The following HYAL4 variants were observed in gnomAD, a reference collection of about 807,000 sequenced individuals.
The protein encoded by HYAL4 is hyaluronidase-4.
Under a neutral mutation model 35.2 loss-of-function variants are expected in HYAL4, and 37 were observed. The ratio of observed to expected loss-of-function variants is 1.05; its 90% CI spans 0.81 to 1.38. The LOEUF (loss-of-function observed/expected upper bound fraction) is 1.38. HYAL4 is among the 40% of genes most tolerant of loss of function. The probability of loss-of-function intolerance (pLI) is 0.00; values close to 1 mark genes in which losing one functional copy is unlikely to be tolerated. For missense variants in HYAL4, 572 were observed against 572.4 expected (o/e 1.00, Z 0.01); for synonymous variants, 198 against 203.2 (o/e 0.97, Z 0.22).
chr7:123,847,684 A>T lies in HYAL4; in HGVS notation c.-121-405A>T, dbSNP rs148331614. Among the ~76,000 whole-genome samples the T allele has an allele frequency of 5.3e-3, 814 of 152,286 alleles. 9 individuals carry two copies. The highest frequency in any genetic ancestry group is 0.019 in the African/African-American group (782 of 41,570). ...TCCCAGCTACTTGGGAGGCTGAGAC[A>T]GGAGAATCACTTGAACCTGGCAGGT... is the stretch of plus-strand genomic sequence containing the variant. On this transcript the variant is annotated intron_variant, in intron 1 of 4. Transcript: ENST00000223026.
chr7:123,807,281 A>T, the HYAL4 span, among the ~76,000 whole-genome samples: 1 of 152,086 alleles, frequency 6.6e-6, no homozygotes. Flanking sequence ...TTTTCTTTTC[A>T]TAAAAGCTAC....
the HYAL4 span, among the ~76,000 whole-genome samples, chr7:123,794,968 G>T: frequency 6.6e-6 from 1 of 152,220 alleles, no homozygotes; most frequent in South Asian, 2.1e-4. Context: ...AGGCACCCAA[G>T]AGTGGAGCTG....
At chr7:123,856,390 T>C (rs1312154900) in intron 2 of HYAL4, among the ~76,000 whole-genome samples, 1 of 152,208 alleles carries the variant, frequency 6.6e-6, no homozygotes, top group Non-Finnish European at 1.5e-5. Context: ...ATGGGTGTCC[T>C]TTTTGTTGAT....
the HYAL4 span, among the ~76,000 whole-genome samples, chr7:123,816,527 G>C: frequency 5.9e-5 from 9 of 152,162 alleles, no homozygotes; most frequent in Non-Finnish European, 1.2e-4. Context: ...AGTTCACCTT[G>C]AGAGAAAATG....
chr7:123,842,805 G>T (rs1806095540), upstream of HYAL4, among the ~76,000 whole-genome samples: 3 of 151,958 alleles, frequency 2.0e-5, no homozygotes, highest in South Asian at 6.2e-4. Context: ...TTTTTGCAGA[G>T]ACTAGGATTG....
chr7:123,776,002 C>T, the HYAL4 span, among the ~76,000 whole-genome samples: 3 of 152,208 alleles, frequency 2.0e-5, no homozygotes, highest in Non-Finnish European at 4.4e-5. Context: ...TTTTCAGGCA[C>T]ACCCAACACT....
At chr7:123,819,354 A>C in the HYAL4 span, 1 of 152,626 alleles carries the variant, frequency 6.6e-6, no homozygotes, top group East Asian at 1.9e-4. Flanking sequence ...GACTTAGTGC[A>C]TGCAATTGGC....
At chr7:123,780,449 G>A in the HYAL4 span, among the ~76,000 whole-genome samples, 8 of 152,262 alleles carry the variant, frequency 5.3e-5, no homozygotes, top group African/African-American at 1.7e-4. Flanking sequence ...CTGACACATG[G>A]CTGTCACATA....
chr7:123,832,918 C>G (rs1015377095), intron 1 of HYAL4, among the ~76,000 whole-genome samples: 1 of 152,104 alleles, frequency 6.6e-6, no homozygotes, highest in Non-Finnish European at 1.5e-5. Context: ...CAGGTTGTTG[C>G]GAATGCCATT....
At chr7:123,832,536 G>A (rs1433018194) in intron 1 of HYAL4, among the ~76,000 whole-genome samples, 1 of 108,564 alleles carries the variant, frequency 9.2e-6, no homozygotes, top group African/African-American at 3.8e-5. Flanking sequence ...GTCTCGCTCT[G>A]TCGCTCAGGC....
chr7:123,782,502 T>C, the HYAL4 span, among the ~76,000 whole-genome samples: 10 of 151,836 alleles, frequency 6.6e-5, no homozygotes, highest in Non-Finnish European at 1.2e-4. Context: ...ATTGATTTAG[T>C]TTTTTTTCAA....
intron 1 of HYAL4, among the ~76,000 whole-genome samples, chr7:123,845,989 C>T (rs778528132): frequency 4.9e-4 from 75 of 152,182 alleles, no homozygotes; most frequent in Non-Finnish European, 8.7e-4. Context: ...TGCACAGAGT[C>T]CTGTGATGTA....
intron 2 of HYAL4, among the ~76,000 whole-genome samples, chr7:123,854,254 T>C (rs181294061): frequency 1.1e-3 from 165 of 152,264 alleles, no homozygotes; most frequent in African/African-American, 3.7e-3. Context: ...TTATTTCTTG[T>C]CTTCTTCTAG....
the HYAL4 span, among the ~76,000 whole-genome samples, chr7:123,792,115 C>CTT: frequency 6.6e-6 from 1 of 151,960 alleles, no homozygotes; most frequent in African/African-American, 2.4e-5. Context: ...GCATAGAGCC[C>CTT]TGACCTCATT....
chr7:123,819,728 C>G, the HYAL4 span, among the ~76,000 whole-genome samples: 6 of 151,924 alleles, frequency 3.9e-5, no homozygotes, highest in Non-Finnish European at 8.8e-5. Context: ...TCAGCTTCTC[C>G]ATCTAAAAAA....
At chr7:123,809,134 AATT>A in the HYAL4 span, among the ~76,000 whole-genome samples, 1 of 152,074 alleles carries the variant, frequency 6.6e-6, no homozygotes, top group African/African-American at 2.4e-5. Context: ...CAAATTCCCA[AATT>A]ATTATTTGTC....
chr7:123,779,871 G>C, the HYAL4 span, among the ~76,000 whole-genome samples: 97 of 151,764 alleles, frequency 6.4e-4, no homozygotes, highest in African/African-American at 2.2e-3. Flanking sequence ...CTATTTATTT[G>C]GTCTTTTGAA....
chr7:123,826,689 T>C (rs1206178051), upstream of HYAL4, among the ~76,000 whole-genome samples: 1 of 152,206 alleles, frequency 6.6e-6, no homozygotes, highest in East Asian at 1.9e-4. Context: ...TTATTATTGA[T>C]TCCTATTTTA....
chr7:123,867,546 G>A (rs1001051013), intron 2 of HYAL4, among the ~76,000 whole-genome samples: 1 of 151,782 alleles, frequency 6.6e-6, no homozygotes, highest in Non-Finnish European at 1.5e-5. Flanking sequence ...ACCCTGGGAG[G>A]GTCAATTTCT....
Sources: gnomAD v4.1 joint callset for allele counts (sites outside exome capture counted in the v4.1 genomes callset) on GRCh38, gnomAD v4.1.1 for gene constraint, MANE v1.5 for transcripts, NCBI Gene and HGNC (gene_info 2026-07-23, HGNC 2026-07-21) for gene names.